The following STKLD1 variants were observed in gnomAD, a reference collection of about 807,000 sequenced individuals.
The protein encoded by STKLD1 is serine/threonine kinase like domain containing 1.
STKLD1 carries 79 observed loss-of-function variants against 80.4 expected under a neutral mutation model. The ratio of observed to expected loss-of-function variants is 0.98; its 90% CI spans 0.82 to 1.19. STKLD1 has a LOEUF of 1.19. Among genes scored for constraint, STKLD1 ranks in the 50% most tolerant of loss-of-function variants. The pLI is 0.00. For missense variants in STKLD1, 841 were observed against 856.0 expected, an observed-to-expected ratio of 0.98 and a Z score of 0.22; for synonymous variants, 393 against 357.6, an observed-to-expected ratio of 1.10 and a Z score of -1.12.
At position 133,385,581 on chromosome 9, in the gene STKLD1, ACT is replaced by A. The variant is rs1564376787; in HGVS notation, c.220-35_220-34del. The A allele has an allele frequency of 1.7e-5, 28 of 1,604,096 alleles. No individual in the cohort carries two copies. Among genetic ancestry groups the A allele is most frequent in the Non-Finnish European group, 2.4e-5 (28 of 1,172,164 alleles). ...CGAGCTGAGAAAGGCGTGGAGAGGC[ACT>A]GACTTCTCCGTTTCCTCTGCTCTAT... On this transcript the variant is annotated intron_variant, in intron 3 of 17. Coordinates refer to ENST00000371957, the MANE Select transcript of STKLD1 (RefSeq NM_153710.5). This position sits in a 1 kb window ranked among gnomAD's most constrained non-coding sequence, Gnocchi z 4.9.
intron 2 of STKLD1, among the ~76,000 whole-genome samples, 167 bp downstream of exon 2, chr9:133,379,289 AAGC>A (rs1332769659): frequency 6.6e-6 from 1 of 152,120 alleles, no homozygotes; most frequent in Non-Finnish European, 1.5e-5. Flanking sequence ...GGGGTGCGTG[AAGC>A]TCTGTCACCT....
chr9:133,383,181 GTGA>G (rs1471374373), intron 2 of STKLD1, among the ~76,000 whole-genome samples: 2 of 150,930 alleles, frequency 1.3e-5, no homozygotes, highest in Non-Finnish European at 3.0e-5. Flanking sequence ...TGTGATGATG[GTGA>G]TGATGGTGTG....
At chr9:133,399,663 A>C (rs1800068727) in intron 11 of STKLD1, among the ~76,000 whole-genome samples, 1 of 152,220 alleles carries the variant, frequency 6.6e-6, no homozygotes, top group African/African-American at 2.4e-5. Flanking sequence ...AGATCACTTG[A>C]GATCAGGAGT....
rs1407413851 is a variant in STKLD1, at chr9:133,389,800, G to A, written c.467+204G>A. Among the ~76,000 whole-genome samples the A allele has an allele frequency of 1.3e-5, 2 of 152,174 alleles. No homozygotes were observed. The highest frequency in any genetic ancestry group is 2.4e-5 in the African/African-American group (1 of 41,438). On this transcript the variant is annotated intron_variant, in intron 6 of 17. Transcript: ENST00000371957. This position sits in a 1 kb window ranked among gnomAD's most constrained non-coding sequence, Gnocchi z 6.4. ...AAGTGGTCTCAAGCCATGTGCACAC[G>A]CACAGCTGCATGGGGTGTGCGCTAG... is the stretch of plus-strand genomic sequence containing the variant.
chr9:133,390,863 C>T lies in STKLD1; in HGVS notation c.583+67C>T. 1 of 1,231,062 alleles carries T rather than the reference C, an allele frequency of 8.1e-7. No individual in the cohort carries two copies. Among genetic ancestry groups the T allele is most frequent in the Non-Finnish European group, 1.2e-6 (1 of 833,832 alleles). 76.3% of individuals were successfully genotyped at this position (1,231,062 alleles called of 1,614,324 possible). A position where few individuals can be genotyped will look rare whatever the true frequency, so the allele number is the denominator to read the frequency against. On this transcript the variant is annotated intron_variant, in intron 7 of 17. Transcript: ENST00000371957. This position sits in a 1 kb window ranked among gnomAD's most constrained non-coding sequence, Gnocchi z 5.1. ...CCTAGAATCCAGGCGGCGTTGGCCA[C>T]TCTGGGTGCTGGAGTGAGGCAACAT...
intron 17 of STKLD1, 131 bp downstream of exon 17, chr9:133,405,060 C>A: frequency 2.1e-6 from 3 of 1,404,726 alleles, no homozygotes; most frequent in Non-Finnish European, 2.9e-6. Flanking sequence ...CTTAAACTTC[C>A]CACTCATTTG....
At chr9:133,379,273 G>A (rs1009197573) in intron 2 of STKLD1, 151 bp downstream of exon 2, 1 of 639,268 alleles carries the variant, frequency 1.6e-6, no homozygotes, top group African/African-American at 1.9e-5. Flanking sequence ...GGTTGGGGTA[G>A]ATGTGGGGGT....
chr9:133,394,137 C>T lies in STKLD1; in HGVS notation c.584-154C>T. ...CTTCCTCCCCACAGTTAATATTCTC[C>T]ACCTCTTCTGAGAAGAGGACCTGCA... On this transcript the variant is annotated intron_variant, in intron 7 of 17. Transcript: ENST00000371957. This position sits in a 1 kb window ranked among gnomAD's most constrained non-coding sequence, Gnocchi z 4.9. 1 of 664,902 alleles carries T rather than the reference C, an allele frequency of 1.5e-6. No homozygotes were observed. Among genetic ancestry groups the T allele is most frequent in the Non-Finnish European group, 2.7e-6 (1 of 366,082 alleles). 41.2% of individuals were successfully genotyped at this position (664,902 alleles called of 1,614,324 possible). A position where few individuals can be genotyped will look rare whatever the true frequency, so the allele number is the denominator to read the frequency against.
Position 133,405,276 on chromosome 9 carries a change from C to A in STKLD1, c.1898C>A (p.Ser633Tyr). 6.2e-7 allele frequency: 1 copy of A among 1,611,770 alleles called. No individual in the cohort carries two copies. Among genetic ancestry groups the A allele is most frequent in the Non-Finnish European group, 8.5e-7 (1 of 1,179,198 alleles). ...SYEEILPELV[S>Y]SSMKALLQEI... ...GAGGAGATCCTGCCGGAGCTGGTGT[C>A]CAGTAGTATGAAGGCCCTGCTCCAG... The change falls in exon 18 of 18, where the codon TCC becomes TAC. Residue 633 changes from serine to tyrosine, a missense_variant. Ser to Tyr is a moderately radical substitution (Grantham distance 144, BLOSUM62 -2). Transcript: ENST00000371957.
intron 7 of STKLD1, chr9:133,393,962 G>C: frequency 3.5e-6 from 1 of 289,438 alleles, no homozygotes. Flanking sequence ...GGGGTGCACA[G>C]TTTCTTGGCA....
At position 133,390,760 on chromosome 9, in the gene STKLD1, A is replaced by G. The variant is rs1325580934; in HGVS notation, c.547A>G (p.Thr183Ala). The change falls in exon 7 of 18, where the codon ACA becomes GCA. Residue 183 changes from threonine to alanine, a missense_variant. Thr to Ala is a moderately conservative substitution (Grantham distance 58). Coordinates refer to ENST00000371957, the MANE Select transcript of STKLD1 (RefSeq NM_153710.5). The surrounding 1 kb of genome is among the most constrained non-coding windows in gnomAD (Gnocchi z 5.1). The stretch of plus-strand genomic sequence containing the variant: ...GGACCTGAGTTCCAATGTGCTAATG[A>G]CAGACAAAGCCAAATGGAATATTCG... ...LQDLSSNVLM[T>A]DKAKWNIRAE... The G allele has an allele frequency of 8.1e-6, 13 of 1,613,756 alleles. No homozygotes were observed. The highest frequency in any genetic ancestry group is 1.1e-5 in the Non-Finnish European group (13 of 1,179,954).
Position 133,390,905 on chromosome 9 carries a change from C to A in STKLD1, c.583+109C>A. On this transcript the variant is annotated intron_variant, in intron 7 of 17. Coordinates refer to ENST00000371957, the MANE Select transcript of STKLD1 (RefSeq NM_153710.5). The surrounding 1 kb of genome is among the most constrained non-coding windows in gnomAD (Gnocchi z 5.1). ...AGGCAACATCAAACAGCTGTTTGCT[C>A]AGAAGGTCCCCACAAAGCCCTGGCC... The A allele has an allele frequency of 1.2e-6, 1 of 813,870 alleles. No homozygotes were observed. Among genetic ancestry groups the A allele is most frequent in the Non-Finnish European group, 2.1e-6 (1 of 475,058 alleles). 50.4% of individuals were successfully genotyped at this position (813,870 alleles called of 1,614,324 possible). A position where few individuals can be genotyped will look rare whatever the true frequency, so the allele number is the denominator to read the frequency against.
chr9:133,402,088 G>A (rs587733846), intron 13 of STKLD1, among the ~76,000 whole-genome samples: 1 of 152,308 alleles, frequency 6.6e-6, no homozygotes, highest in South Asian at 2.1e-4. Flanking sequence ...TTCCACTCTT[G>A]AAGTCACTGG....
intron 9 of STKLD1, 56 bp from the exon 10 acceptor site, chr9:133,397,108 G>T: frequency 6.2e-7 from 1 of 1,608,154 alleles, no homozygotes; most frequent in Non-Finnish European, 8.5e-7. Context: ...AGAGCCCCAC[G>T]GGGAGGTGGC....
At chr9:133,387,772 G>A (rs2130280756) in intron 5 of STKLD1, 7 of 653,846 alleles carry the variant, frequency 1.1e-5, no homozygotes, top group Non-Finnish European at 1.7e-5. Context: ...GACAGAAGGC[G>A]TTCCTAACAC....
intron 2 of STKLD1, among the ~76,000 whole-genome samples, chr9:133,380,479 C>A (rs1292780013): frequency 1.4e-4 from 22 of 152,096 alleles, no homozygotes; most frequent in Non-Finnish European, 3.2e-4. Context: ...CATGGTGAAA[C>A]CCCATCTCTA....
intron 5 of STKLD1, among the ~76,000 whole-genome samples, chr9:133,388,041 A>G (rs1229936933): frequency 6.6e-6 from 1 of 152,212 alleles, no homozygotes; most frequent in African/African-American, 2.4e-5. Context: ...ATTGTGAATA[A>G]GGCTGCTATG....
chr9:133,382,748 G>A (rs1415996999), intron 2 of STKLD1, among the ~76,000 whole-genome samples: 1 of 150,376 alleles, frequency 6.6e-6, no homozygotes. Flanking sequence ...TGGTGGTAAT[G>A]ATGATGGTAA....
chr9:133,397,734 C>T lies in STKLD1; in HGVS notation c.998-238C>T, dbSNP rs587632982. On this transcript the variant is annotated intron_variant, in intron 10 of 17. Transcript: ENST00000371957. ...TATGTGCCCAGGATGAGCAGAAGTG[C>T]GCTCCATCATCTGTGTGCTCCAAGA... is the stretch of plus-strand genomic sequence containing the variant. Among the ~76,000 whole-genome samples, 21 of 152,286 alleles carry T rather than the reference C, an allele frequency of 1.4e-4. No individual in the cohort carries two copies. The East Asian group carries it at 3.5e-3, about 25-fold the overall frequency.
Sources: gnomAD v4.1 joint callset for allele counts (sites outside exome capture counted in the v4.1 genomes callset) on GRCh38, gnomAD v4.1.1 for gene constraint, Gnocchi (gnomAD v3.1) non-coding constraint, MANE v1.5 for transcripts, NCBI Gene and HGNC (gene_info 2026-07-23, HGNC 2026-07-21) for gene names.